The following RARB variants were observed in gnomAD, a reference collection of about 807,000 sequenced individuals.
RARB encodes HBV-activated protein.
Under a neutral mutation model 51.9 loss-of-function variants are expected in RARB, and 17 were observed. That is an observed-to-expected ratio of 0.33 (90% CI 0.22 to 0.49). The LOEUF (loss-of-function observed/expected upper bound fraction) is 0.49, where lower values mean the gene tolerates loss of function less well. Among genes scored for constraint, RARB ranks in the 20% least tolerant of loss-of-function variants. RARB has a pLI of 0.99. For synonymous variants in RARB, 215 were observed against 195.4 expected (o/e 1.10, Z -0.84); for missense variants, 369 against 550.8 (o/e 0.67, Z 3.30).
At chr3:24,920,409 A>G (rs1695193746) in intron 2 of RARB, among the ~76,000 whole-genome samples, 1 of 152,206 alleles carries the variant, frequency 6.6e-6, no homozygotes, top group Non-Finnish European at 1.5e-5. Context: ...TAAATATTGT[A>G]TTAAAAATGG....
intron 2 of RARB, among the ~76,000 whole-genome samples, chr3:24,928,373 A>G (rs558002331): frequency 1.3e-5 from 2 of 152,146 alleles, no homozygotes; most frequent in African/African-American, 2.4e-5. Context: ...CCATCCTGTA[A>G]GTAAGACACT....
chr3:25,546,913 G>T (rs1472793978), intron 3 of RARB, among the ~76,000 whole-genome samples: 1 of 152,162 alleles, frequency 6.6e-6, no homozygotes, highest in Non-Finnish European at 1.5e-5. Context: ...TCTTTGAAAA[G>T]ATTGTTTTAA....
At chr3:25,308,697 C>T (rs1006580056) in intron 5 of RARB, among the ~76,000 whole-genome samples, 1 of 152,204 alleles carries the variant, frequency 6.6e-6, no homozygotes, top group Non-Finnish European at 1.5e-5. Flanking sequence ...ATCCACCTGC[C>T]TCAGCCTCCC....
intron 5 of RARB, among the ~76,000 whole-genome samples, chr3:25,280,606 C>T (rs1205935173): frequency 4.6e-5 from 7 of 152,090 alleles, no homozygotes; most frequent in Admixed American, 3.3e-4. Context: ...TGCCTCCCAC[C>T]CACCCCCACA....
At chr3:24,931,301 T>C (rs2363527) in intron 2 of RARB, among the ~76,000 whole-genome samples, 23,593 of 152,072 alleles carry the variant, frequency 0.16, 1,905 homozygotes, top group Non-Finnish European at 0.17. Context: ...AAATCTCCTA[T>C]TCCTCCAAAT....
intron 2 of RARB, among the ~76,000 whole-genome samples, chr3:24,927,949 T>C (rs1695355802): frequency 6.6e-6 from 1 of 152,122 alleles, no homozygotes; most frequent in Admixed American, 6.6e-5. Context: ...AATGCAGATG[T>C]ATTCCCAAAC....
chr3:25,456,682 T>TATATATATATATATAGAG (rs1491372969), intron 1 of RARB, among the ~76,000 whole-genome samples: 1 of 88,362 alleles, frequency 1.1e-5, no homozygotes, highest in African/African-American at 4.6e-5. Context: ...TATATATATA[T>TATATATATATATATAGAG]AGAGAGAGAG....
chr3:25,267,026 C>T (rs548932976), intron 5 of RARB, among the ~76,000 whole-genome samples: 13 of 152,306 alleles, frequency 8.5e-5, no homozygotes, highest in Non-Finnish European at 1.8e-4. Context: ...GTTCAATTTT[C>T]CCCCTTTCTA....
chr3:25,180,049 T>C (rs1246766089), intron 5 of RARB, among the ~76,000 whole-genome samples: 1 of 152,200 alleles, frequency 6.6e-6, no homozygotes, highest in Non-Finnish European at 1.5e-5. Flanking sequence ...TATCATTCAC[T>C]TTGATCAGAT....
At chr3:25,538,807 C>A (rs536328249) in intron 3 of RARB, among the ~76,000 whole-genome samples, 2 of 152,298 alleles carry the variant, frequency 1.3e-5, no homozygotes, top group African/African-American at 4.8e-5. Context: ...AGATGCTGTA[C>A]AACAGGTTTT....
At chr3:25,164,949 C>T (rs1048328574) in intron 4 of RARB, among the ~76,000 whole-genome samples, 9 of 152,198 alleles carry the variant, frequency 5.9e-5, no homozygotes, top group South Asian at 2.1e-4. Flanking sequence ...TTAATCTCAA[C>T]GTGCAGGTCG....
At chr3:25,053,560 T>A (rs1004081248) in intron 2 of RARB, among the ~76,000 whole-genome samples, 5 of 152,186 alleles carry the variant, frequency 3.3e-5, no homozygotes, top group Admixed American at 2.6e-4. Flanking sequence ...AAGTCAGATG[T>A]CCTTTCCTCT....
At chr3:24,841,261 A>T (rs1439196139) in intron 1 of RARB, among the ~76,000 whole-genome samples, 3 of 152,234 alleles carry the variant, frequency 2.0e-5, no homozygotes, top group African/African-American at 7.2e-5. Context: ...AGATTTCAAA[A>T]CCTAACTAGG....
At chr3:25,359,056 T>C (rs1031082374) in intron 5 of RARB, among the ~76,000 whole-genome samples, 13 of 152,148 alleles carry the variant, frequency 8.5e-5, no homozygotes, top group Non-Finnish European at 1.9e-4. Context: ...TAAGGAATGG[T>C]GCCACTTCCT....
intron 1 of RARB, among the ~76,000 whole-genome samples, chr3:24,857,229 C>T (rs1482958750): frequency 1.3e-5 from 2 of 152,186 alleles, no homozygotes; most frequent in African/African-American, 4.8e-5. Flanking sequence ...TTATACTTCA[C>T]ACCTCTCATT....
chr3:24,979,640 A>G (rs1173696837), intron 2 of RARB, among the ~76,000 whole-genome samples: 1 of 150,366 alleles, frequency 6.7e-6, no homozygotes, highest in Non-Finnish European at 1.5e-5. Flanking sequence ...ATCTTCCTCC[A>G]TCCCTTTATT....
chr3:25,043,050 C>A (rs540851475), intron 2 of RARB, among the ~76,000 whole-genome samples: 58 of 152,286 alleles, frequency 3.8e-4, no homozygotes, highest in Middle Eastern at 3.4e-3. Context: ...GATGTAATGG[C>A]GTGAGGCAGG....
At chr3:25,560,995 C>T (rs1253327231) in intron 3 of RARB, among the ~76,000 whole-genome samples, 1 of 152,084 alleles carries the variant, frequency 6.6e-6, no homozygotes, top group Non-Finnish European at 1.5e-5. Flanking sequence ...ATATGAGATC[C>T]TGTGTGCAAT....
At chr3:25,137,620 T>G (rs983165132) in intron 4 of RARB, among the ~76,000 whole-genome samples, 1 of 152,152 alleles carries the variant, frequency 6.6e-6, no homozygotes, top group Non-Finnish European at 1.5e-5. Context: ...TTATTGAATT[T>G]AACTGTAATT....
Sources: allele counts gnomAD v4.1 joint callset (sites outside exome capture counted in the v4.1 genomes callset), GRCh38; gene constraint gnomAD v4.1.1; transcripts MANE v1.5; gene names NCBI Gene and HGNC (gene_info 2026-07-23, HGNC 2026-07-21).